The following GOT2 variants were observed in gnomAD, a reference collection of about 807,000 sequenced individuals.
GOT2 encodes the protein aspartate aminotransferase, mitochondrial.
Under a neutral mutation model 50.0 loss-of-function variants are expected in GOT2, and 17 were observed. The observed-to-expected ratio is 0.34, with a 90% CI of 0.23 to 0.51. GOT2 has a LOEUF of 0.51. Among genes scored for constraint, GOT2 ranks in the 20% least tolerant of loss-of-function variants. The probability of loss-of-function intolerance (pLI) is 0.97; values close to 1 mark genes in which losing one functional copy is unlikely to be tolerated. For missense variants in GOT2, 430 were observed against 559.6 expected (o/e 0.77, Z 2.34); for synonymous variants, 172 against 204.9 (o/e 0.84, Z 1.37).
At chr16:58,719,693 T>C (rs1165921076) in intron 3 of GOT2, among the ~76,000 whole-genome samples, 1 of 152,060 alleles carries the variant, frequency 6.6e-6, no homozygotes, top group Non-Finnish European at 1.5e-5. Context: ...AAGTGGAGGA[T>C]GCAGTGAGCC....
At chr16:58,711,048 CA>C (rs112837015) in intron 8 of GOT2, among the ~76,000 whole-genome samples, 228 of 124,862 alleles carry the variant, frequency 1.8e-3, no homozygotes, top group East Asian at 3.1e-3. Flanking sequence ...GTGGGTTAAA[CA>C]AAAAAAAAAA....
intron 2 of GOT2, among the ~76,000 whole-genome samples, chr16:58,722,963 C>T (rs1306798723): frequency 2.6e-5 from 4 of 152,134 alleles, no homozygotes; most frequent in East Asian, 1.9e-4. Flanking sequence ...CTAAGAACTT[C>T]GAAGTGTTAA....
chr16:58,733,544 C>G (rs1182650459), intron 1 of GOT2, among the ~76,000 whole-genome samples: 1 of 152,172 alleles, frequency 6.6e-6, no homozygotes, highest in Non-Finnish European at 1.5e-5. Context: ...AAAGGCCAAA[C>G]GGGCCCCGGG....
rs1273132437 is a variant in GOT2, at chr16:58,725,201, G to A, written c.90-1299C>T. Among the ~76,000 whole-genome samples, 3 of 150,814 alleles carry A rather than the reference G, an allele frequency of 2.0e-5. 1 individual carries two copies. Among genetic ancestry groups the A allele is most frequent in the Non-Finnish European group, 2.9e-5 (2 of 67,860 alleles). Reference sequence around the variant, plus strand: ...GTGATCTTGGCTCACTGCAAACTCCGCCTCCTGGGTTCAAGTGATTCTCCT... The same window carrying A: ...GTGATCTTGGCTCACTGCAAACTCCACCTCCTGGGTTCAAGTGATTCTCCT... On this transcript the variant is annotated intron_variant, in intron 1 of 9. Coordinates refer to ENST00000245206, the MANE Select transcript of GOT2 (RefSeq NM_002080.4).
intron 1 of GOT2, among the ~76,000 whole-genome samples, chr16:58,725,870 G>C (rs1005735475): frequency 1.3e-5 from 2 of 152,140 alleles, no homozygotes; most frequent in Non-Finnish European, 2.9e-5. Flanking sequence ...GTGTTTTTAA[G>C]GAAAAAGAGT....
At chr16:58,726,781 C>G (rs1212157466) in intron 1 of GOT2, among the ~76,000 whole-genome samples, 3 of 151,498 alleles carry the variant, frequency 2.0e-5, no homozygotes, top group African/African-American at 7.3e-5. Context: ...AGCCACTGCA[C>G]CCGGCTGTGA....
At chr16:58,732,179 C>T (rs866556767) in intron 1 of GOT2, among the ~76,000 whole-genome samples, 4 of 152,146 alleles carry the variant, frequency 2.6e-5, no homozygotes, top group Admixed American at 6.5e-5. Context: ...GTGGTGTATG[C>T]CTGCAGTCCC....
intron 1 of GOT2, among the ~76,000 whole-genome samples, chr16:58,732,096 T>C (rs1256996736): frequency 6.6e-6 from 1 of 152,184 alleles, no homozygotes; most frequent in African/African-American, 2.4e-5. Flanking sequence ...TTTGCGGGGC[T>C]GATGTGGGAG....
At position 58,718,140 on chromosome 16, in the gene GOT2, C is replaced by T. The variant is rs185019622; in HGVS notation, c.702+56G>A. 2.7e-5 allele frequency: 32 copies of T among 1,198,196 alleles called. No individual in the cohort carries two copies. In the Admixed American group the frequency reaches 4.9e-4, roughly 18 times the overall value. The allele number at this position is 1,198,196 out of a possible 1,614,324, so 74.2% of individuals were successfully genotyped here. ...TCTGTTGAGACATTGCCAAATTAAG[C>T]CTCCAAAGCTGGTTACTAAACACAG... is the stretch of plus-strand genomic sequence containing the variant. On this transcript the variant is annotated intron_variant, in intron 6 of 9. Coordinates refer to ENST00000245206, the MANE Select transcript of GOT2 (RefSeq NM_002080.4).
chr16:58,723,652 C>A, intron 2 of GOT2, 94 bp downstream of exon 2: 1 of 1,008,350 alleles, frequency 9.9e-7, no homozygotes, highest in Non-Finnish European at 1.5e-6. Flanking sequence ...AAGCCCAGGG[C>A]TCCTGATTCC....
At chr16:58,723,303 C>A (rs931884091) in intron 2 of GOT2, among the ~76,000 whole-genome samples, 1 of 152,094 alleles carries the variant, frequency 6.6e-6, no homozygotes, top group African/African-American at 2.4e-5. Flanking sequence ...AATTGCATAG[C>A]TCAGCAGGAA....
chr16:58,711,048 C>CAA (rs112837015), intron 8 of GOT2, among the ~76,000 whole-genome samples: 1 of 125,220 alleles, frequency 8.0e-6, no homozygotes. Context: ...GTGGGTTAAA[C>CAA]AAAAAAAAAA....
intron 8 of GOT2, among the ~76,000 whole-genome samples, chr16:58,710,251 T>C (rs2152093340): frequency 6.6e-6 from 1 of 152,144 alleles, no homozygotes; most frequent in Non-Finnish European, 1.5e-5. Flanking sequence ...CCAGTCTCAG[T>C]CTATCACCCA....
chr16:58,724,284 A>T (rs2044765030), intron 1 of GOT2, among the ~76,000 whole-genome samples: 2 of 146,456 alleles, frequency 1.4e-5, no homozygotes, highest in Non-Finnish European at 3.0e-5. Flanking sequence ...ATTCTGACAA[A>T]CTTTTTTTTT....
At chr16:58,733,320 T>C (rs1191835454) in intron 1 of GOT2, among the ~76,000 whole-genome samples, 1 of 152,136 alleles carries the variant, frequency 6.6e-6, no homozygotes, top group Non-Finnish European at 1.5e-5. Context: ...TCATTGTCCT[T>C]CCCTCGCCTT....
At chr16:58,723,617 A>AT in intron 2 of GOT2, 129 bp downstream of exon 2, 1 of 751,634 alleles carries the variant, frequency 1.3e-6, no homozygotes, top group Non-Finnish European at 2.3e-6. Context: ...AACCCGGGTG[A>AT]TTCATGCCAT....
Position 58,709,497 on chromosome 16 carries a change from T to C in GOT2, c.1090A>G (p.Lys364Glu), listed in dbSNP as rs150122367. Reference protein sequence around the residue: ...MRTQLVSNLKKEGSTHNWQHI... With the variant: ...MRTQLVSNLKEEGSTHNWQHI... The stretch of plus-strand genomic sequence containing the variant: ...TGCCAATTGTGGGTGGAACCCTCCT[T>C]CTTGAGGTTGGAGACCAGTTGAGTC... Residue 364 changes from lysine to glutamate, a missense_variant, in exon 9 of 10, where the codon AAG becomes GAG. By Grantham distance (56) the Lys-to-Glu change is moderately conservative. Coordinates refer to ENST00000245206, the MANE Select transcript of GOT2 (RefSeq NM_002080.4). 418 of 1,613,934 alleles carry C rather than the reference T, an allele frequency of 2.6e-4. 1 individual carries two copies. The East Asian group carries it at 8.0e-3, about 31-fold the overall frequency.
intron 1 of GOT2, among the ~76,000 whole-genome samples, chr16:58,729,917 ATTT>A (rs879572369): frequency 3.3e-5 from 5 of 152,086 alleles, no homozygotes; most frequent in African/African-American, 9.6e-5. Flanking sequence ...GGGATACTCA[ATTT>A]TTTTTTTAAA....
intron 1 of GOT2, among the ~76,000 whole-genome samples, chr16:58,731,892 T>G (rs912757993): frequency 6.6e-6 from 1 of 152,230 alleles, no homozygotes; most frequent in East Asian, 1.9e-4. Context: ...TAAAGATCAC[T>G]TCCACAGTGT....
Sources: allele counts gnomAD v4.1 joint callset (sites outside exome capture counted in the v4.1 genomes callset), GRCh38; gene constraint gnomAD v4.1.1; transcripts MANE v1.5; gene names NCBI Gene and HGNC (gene_info 2026-07-23, HGNC 2026-07-21).